The following PALB2 variants were observed in gnomAD, a reference collection of about 807,000 sequenced individuals.
PALB2 encodes mutant partner and localizer of BRCA2.
In PALB2, 82 loss-of-function variants were observed where a neutral mutation model predicts 107.4. The ratio of observed to expected loss-of-function variants is 0.76; its 90% CI spans 0.64 to 0.92. PALB2 has a LOEUF of 0.92. Among genes scored for constraint, PALB2 ranks in the 40% least tolerant of loss-of-function variants. The probability of loss-of-function intolerance (pLI) is 0.00; values close to 1 mark genes in which losing one functional copy is unlikely to be tolerated. For synonymous variants in PALB2, 489 were observed against 496.8 expected, an observed-to-expected ratio of 0.98 and a Z score of 0.21; for missense variants, 1,374 against 1,379.9, an observed-to-expected ratio of 1.00 and a Z score of 0.07.
chr16:23,603,499 C>A lies in PALB2; in HGVS notation c.3521G>T (p.Gly1174Val), dbSNP rs1286090287. The change falls in exon 13 of 13, where the codon GGA becomes GTA. Residue 1174 changes from glycine to valine, a missense_variant. Transcript: ENST00000261584. ...TACAAATATATTTCCATCTTTTTGT[C>A]CAGCCAGCAAATGAGAGTCTGTACC... ...WSGTDSHLLAGQKDGNIFVYH... is the reference protein window; with the variant it reads ...WSGTDSHLLAVQKDGNIFVYH... The A allele has an allele frequency of 6.2e-7, 1 of 1,613,846 alleles. No individual in the cohort carries two copies. The highest frequency in any genetic ancestry group is 1.3e-5 in the African/African-American group (1 of 74,856).
Position 23,614,613 on chromosome 16 carries a change from A to G in PALB2, c.3114-522T>C, listed in dbSNP as rs869312611. 2.1e-4 allele frequency among the ~76,000 whole-genome samples: 32 copies of G among 152,182 alleles called. No homozygotes were observed. The highest frequency in any genetic ancestry group is 3.7e-4 in the Non-Finnish European group (25 of 68,018). On this transcript the variant is annotated intron_variant, in intron 10 of 12. Coordinates refer to ENST00000261584, the MANE Select transcript of PALB2 (RefSeq NM_024675.4). Reference sequence around the variant, plus strand: ...AGAGAGGGGTGAATATAAAGAAGAAAAAAGATAAAGTTTGTTGGAATCACT... The same window carrying G: ...AGAGAGGGGTGAATATAAAGAAGAAGAAAGATAAAGTTTGTTGGAATCACT...
At chr16:23,613,964 A>G (rs770262706) in intron 11 of PALB2, 40 bp downstream of exon 11, 2 of 1,454,882 alleles carry the variant, frequency 1.4e-6, no homozygotes, top group Non-Finnish European at 1.9e-6. Context: ...AATGAGACCA[A>G]CAGTAACACA....
chr16:23,626,708 G>A (rs1181107830), intron 6 of PALB2, among the ~76,000 whole-genome samples: 1 of 151,934 alleles, frequency 6.6e-6, no homozygotes, highest in Non-Finnish European at 1.5e-5. Flanking sequence ...TGCAACCTTC[G>A]CCTCCCGGGT....
intron 10 of PALB2, among the ~76,000 whole-genome samples, chr16:23,617,130 T>C (rs1966698269): frequency 1.3e-5 from 2 of 152,234 alleles, no homozygotes; most frequent in South Asian, 4.1e-4. Flanking sequence ...TAAGAAATAT[T>C]TAGACCTTCA....
rs959226522 is a variant in PALB2 at position 23,619,546 on chromosome 16, T to C, written c.3113+1816A>G. 2.6e-5 allele frequency among the ~76,000 whole-genome samples: 4 copies of C among 151,880 alleles called. 1 individual carries two copies. The highest frequency in any genetic ancestry group is 6.4e-3 in the Middle Eastern group (2 of 312). ...TTTAGTAGAGATGGGGTATCTTTAG[T>C]AGAGACGCCACACTTATTTTTTGTA... On this transcript the variant is annotated intron_variant, in intron 10 of 12. Coordinates refer to ENST00000261584, the MANE Select transcript of PALB2 (RefSeq NM_024675.4).
chr16:23,627,188 A>G (rs572376085), intron 6 of PALB2, among the ~76,000 whole-genome samples: 1 of 152,268 alleles, frequency 6.6e-6, no homozygotes, highest in Admixed American at 6.5e-5. Context: ...GGAAATTTCC[A>G]AGAAAAATCA....
At position 23,626,329 on chromosome 16, in the gene PALB2, T is replaced by C. The variant is rs1057524113; in HGVS notation, c.2655A>G (p.Pro885=). Residue 885 remains proline, a synonymous_variant, in exon 7 of 13, where the codon CCA becomes CCG. Transcript: ENST00000261584. ...MFWERAGCKE[P]CIITACEDVV... The stretch of plus-strand genomic sequence containing the variant: ...CATCTTCGCAAGCAGTTATGATACA[T>C]GGCTCTTTACAACCGGCTCTTTCCC... The C allele has an allele frequency of 6.2e-6, 10 of 1,614,220 alleles. No individual in the cohort carries two copies. Among genetic ancestry groups the C allele is most frequent in the Non-Finnish European group, 6.8e-6 (8 of 1,180,034 alleles).
intron 12 of PALB2, among the ~76,000 whole-genome samples, chr16:23,604,353 C>A (rs1465722131): frequency 6.6e-6 from 1 of 152,226 alleles, no homozygotes; most frequent in African/African-American, 2.4e-5. Context: ...TTAACTTTAT[C>A]AGTACAATAG....
intron 10 of PALB2, among the ~76,000 whole-genome samples, chr16:23,614,949 CT>C (rs1288431746): frequency 2.4e-3 from 255 of 104,714 alleles, no homozygotes; most frequent in Middle Eastern, 0.011. Context: ...CGCGCCTGGC[CT>C]TTTTTTTTTT....
At chr16:23,605,714 T>G (rs933491215) in intron 12 of PALB2, 3 of 152,258 alleles carry the variant, frequency 2.0e-5, no homozygotes, top group African/African-American at 7.2e-5. Context: ...CGGCCAGAAA[T>G]AGCAGTGTTT....
chr16:23,641,071 G>A (rs768839390), intron 1 of PALB2, 39 bp downstream of exon 1: 1 of 1,608,388 alleles, frequency 6.2e-7, no homozygotes, highest in Non-Finnish European at 8.5e-7. Context: ...GGAAAGCGGG[G>A]TCAGAGTCCT....
chr16:23,630,355 A>G lies in PALB2; in HGVS notation c.1799T>C (p.Leu600Ser). 6.2e-7 allele frequency: 1 copy of G among 1,614,178 alleles called. No individual in the cohort carries two copies. The highest frequency in any genetic ancestry group is 1.1e-5 in the South Asian group (1 of 91,078). Residue 600 changes from leucine to serine, a missense_variant, in exon 5 of 13, where the codon TTA becomes TCA. By Grantham distance (145) the Leu-to-Ser change is moderately radical. Transcript: ENST00000261584. Reference sequence around the variant, plus strand: ...ACTGAGAAAAGACAGTAGTTGCTTTAAACTCAGCATTCCATCCCTATGAAA... The same window carrying G: ...ACTGAGAAAAGACAGTAGTTGCTTTGAACTCAGCATTCCATCCCTATGAAA... Reference protein sequence around the residue: ...APFHRDGMLSLKQLLSFLSIT... With the variant: ...APFHRDGMLSSKQLLSFLSIT...
chr16:23,623,842 C>A, intron 8 of PALB2, 167 bp downstream of exon 8: 1 of 627,350 alleles, frequency 1.6e-6, no homozygotes. Flanking sequence ...TAAATAGAAA[C>A]TTCAGTCAGG....
At chr16:23,630,765 G>A (rs927132382) in intron 4 of PALB2, among the ~76,000 whole-genome samples, 1 of 151,984 alleles carries the variant, frequency 6.6e-6, no homozygotes, top group Non-Finnish European at 1.5e-5. Flanking sequence ...TTCAAACAAC[G>A]GTCATGAGTT....
chr16:23,610,424 T>A (rs763957869), intron 11 of PALB2, among the ~76,000 whole-genome samples: 1 of 151,444 alleles, frequency 6.6e-6, no homozygotes, highest in East Asian at 2.0e-4. Context: ...TTCTCCTTCC[T>A]CAGCCTCCCA....
chr16:23,609,779 G>A (rs1285974354), intron 11 of PALB2, among the ~76,000 whole-genome samples: 1 of 152,164 alleles, frequency 6.6e-6, no homozygotes, highest in Non-Finnish European at 1.5e-5. Flanking sequence ...GCCTCCCAAA[G>A]TGCTGGGATT....
At chr16:23,622,868 C>G in intron 9 of PALB2, 101 bp downstream of exon 9, 4 of 1,343,608 alleles carry the variant, frequency 3.0e-6, no homozygotes, top group East Asian at 2.3e-5. Flanking sequence ...ATTACACCCC[C>G]AGCACAGAAA....
At chr16:23,629,135 A>C in intron 6 of PALB2, 69 bp downstream of exon 6, 1 of 1,209,112 alleles carries the variant, frequency 8.3e-7, no homozygotes, top group Non-Finnish European at 1.2e-6. Flanking sequence ...TATATGACTG[A>C]ATTCTTTTCA....
Position 23,633,714 on chromosome 16 carries a change from T to G in PALB2, c.1684+1148A>C, listed in dbSNP as rs539015851. 3.3e-5 allele frequency among the ~76,000 whole-genome samples: 5 copies of G among 152,066 alleles called. No individual in the cohort carries two copies. In the East Asian group the frequency reaches 9.7e-4, roughly 29 times the overall value. On this transcript the variant is annotated intron_variant, in intron 4 of 12. Coordinates refer to ENST00000261584, the MANE Select transcript of PALB2 (RefSeq NM_024675.4). Reference sequence around the variant, plus strand: ...ATAGTCAGTGGAGTCTTAGTCTTGTTTTTTTTTGAGAGAGGGTTTTGCTCT... The same window carrying G: ...ATAGTCAGTGGAGTCTTAGTCTTGTGTTTTTTTGAGAGAGGGTTTTGCTCT...
Sources: gnomAD v4.1 joint callset for allele counts (sites outside exome capture counted in the v4.1 genomes callset) on GRCh38, gnomAD v4.1.1 for gene constraint, MANE v1.5 for transcripts, NCBI Gene and HGNC (gene_info 2026-07-23, HGNC 2026-07-21) for gene names.